Variants in KIFC3 observed in about 807,000 individuals in gnomAD.
KIFC3 encodes the protein kinesin-like protein KIFC3.
KIFC3 carries 60 observed loss-of-function variants against 101.8 expected under a neutral mutation model. The ratio of observed to expected loss-of-function variants is 0.59; its 90% CI spans 0.48 to 0.73. The LOEUF is 0.73. KIFC3 is among the 30% of genes least tolerant of loss of function. The pLI is 0.00. For synonymous variants in KIFC3, 476 were observed against 482.7 expected (o/e 0.99, Z 0.18); for missense variants, 966 against 1,137.1 (o/e 0.85, Z 2.16).
At position 57,802,320 on chromosome 16, in the gene KIFC3, C is replaced by T. The variant is rs2054786452; in HGVS notation, c.-40+50G>A. 9.8e-6 allele frequency: 9 copies of T among 916,730 alleles called. No homozygotes were observed. Among genetic ancestry groups the T allele is most frequent in the Non-Finnish European group, 1.2e-5 (9 of 767,934 alleles). 56.8% of individuals were successfully genotyped at this position (916,730 alleles called of 1,614,324 possible). ...GCGGCGCCCCAAACGGCGGGCCGGG[C>T]AGAGCCCAGCGCCCCGCTCGCACCC... On this transcript the variant is annotated intron_variant, in intron 1 of 19. Coordinates refer to ENST00000445690, the MANE Select transcript of KIFC3 (RefSeq NM_001130100.2). The surrounding 1 kb of genome is among the most constrained non-coding windows in gnomAD (Gnocchi z 5.0).
At chr16:57,805,035 T>C (rs1002254876), upstream of KIFC3, among the ~76,000 whole-genome samples, 37 of 152,070 alleles carry the variant, frequency 2.4e-4, 1 homozygote, top group Non-Finnish European at 5.9e-5. Context: ...TTCACCATGT[T>C]GGACAGGCTG....
intron 1 of KIFC3, among the ~76,000 whole-genome samples, chr16:57,854,301 C>T (rs72780310): frequency 0.058 from 8,749 of 152,130 alleles, 301 homozygotes; most frequent in Non-Finnish European, 0.065. Context: ...AAAGAAAACC[C>T]ACTTTATATA....
At chr16:57,837,275 C>A (rs1445348316) in intron 1 of KIFC3, among the ~76,000 whole-genome samples, 1 of 151,974 alleles carries the variant, frequency 6.6e-6, no homozygotes, top group Non-Finnish European at 1.5e-5. Context: ...TGAGACCAGT[C>A]TGGGCAACAT....
intron 3 of KIFC3, among the ~76,000 whole-genome samples, chr16:57,790,631 T>C (rs1261765503): frequency 1.3e-5 from 2 of 152,058 alleles, no homozygotes; most frequent in African/African-American, 4.8e-5. Context: ...TTCTCCTCAT[T>C]CTTAAAATAA....
At chr16:57,781,269 C>T (rs55986850) in intron 3 of KIFC3, among the ~76,000 whole-genome samples, 16,435 of 152,178 alleles carry the variant, frequency 0.11, 975 homozygotes, top group Middle Eastern at 0.19. Flanking sequence ...GAGCTGTGAT[C>T]ACGCCCCTGC....
Position 57,769,772 on chromosome 16 carries a change from G to A in KIFC3, c.1087+36C>T, listed in dbSNP as rs562816782. On this transcript the variant is annotated intron_variant, in intron 8 of 19. Transcript: ENST00000445690. This position sits in a 1 kb window ranked among gnomAD's most constrained non-coding sequence, Gnocchi z 4.3. ...GAGGCGGGAGGGGATGAGGGGCCGC[G>A]GCGTGGGGCAGACAGGGCCCAGCTG... The A allele has an allele frequency of 2.2e-5, 36 of 1,612,604 alleles. No homozygotes were observed. The Middle Eastern group carries it at 5.0e-4, about 22-fold the overall frequency.
intron 1 of KIFC3, among the ~76,000 whole-genome samples, chr16:57,821,680 G>T (rs2055352980): frequency 6.6e-6 from 1 of 152,166 alleles, no homozygotes; most frequent in Admixed American, 6.6e-5. Context: ...GGGGAGGGGT[G>T]CTATTATAGG....
At chr16:57,859,889 G>GC (rs2056256688) in intron 1 of KIFC3, among the ~76,000 whole-genome samples, 2 of 151,594 alleles carry the variant, frequency 1.3e-5, no homozygotes, top group South Asian at 4.2e-4. Context: ...AGGTGTGGTG[G>GC]CGCATGCCTG....
intron 1 of KIFC3, among the ~76,000 whole-genome samples, chr16:57,836,620 G>A (rs1156875740): frequency 6.6e-6 from 1 of 152,168 alleles, no homozygotes; most frequent in East Asian, 1.9e-4. Context: ...AAACAAAAAT[G>A]TACCCTCTTG....
chr16:57,792,485 T>G (rs1483204504), intron 3 of KIFC3, among the ~76,000 whole-genome samples: 4 of 152,236 alleles, frequency 2.6e-5, no homozygotes, highest in Non-Finnish European at 5.9e-5. Context: ...TATCACTGCA[T>G]GAACACAGCA....
Position 57,798,088 on chromosome 16 carries a change from C to CGGG in KIFC3, c.153_155dup (p.Pro52dup). Reference sequence around the variant, plus strand: ...CGGACTCACCAGTTCTCAACCTCCCCGGGCCGGTGTGTGGGAAAGGGCGGG... The same window carrying CGGG: ...CGGACTCACCAGTTCTCAACCTCCCCGGGGGGCCGGTGTGTGGGAAAGGGCGGG... On this transcript the variant is annotated inframe_insertion, in exon 2 of 20. Transcript: ENST00000445690. 3 of 1,592,320 alleles carry CGGG rather than the reference C, an allele frequency of 1.9e-6. No homozygotes were observed. Among genetic ancestry groups the CGGG allele is most frequent in the Non-Finnish European group, 2.6e-6 (3 of 1,169,858 alleles).
upstream of KIFC3, among the ~76,000 whole-genome samples, chr16:57,807,087 G>A (rs1310845491): frequency 6.6e-6 from 1 of 151,914 alleles, no homozygotes; most frequent in Non-Finnish European, 1.5e-5. Context: ...TGTGCTGGTG[G>A]GCGCCTGTAA....
chr16:57,861,106 T>C (rs73560895), intron 1 of KIFC3, among the ~76,000 whole-genome samples: 2,339 of 152,342 alleles, frequency 0.015, 57 homozygotes, highest in African/African-American at 0.052. Context: ...TGTGACGGGC[T>C]ATTAGTATTG....
intron 2 of KIFC3, 134 bp from the exon 3 acceptor site, chr16:57,795,275 G>T: frequency 9.2e-7 from 1 of 1,092,766 alleles, no homozygotes; most frequent in Non-Finnish European, 1.3e-6. Flanking sequence ...GGCCAGGAGG[G>T]GCTCACACAC....
chr16:57,791,261 A>G (rs1294420881), intron 3 of KIFC3, among the ~76,000 whole-genome samples: 1 of 152,084 alleles, frequency 6.6e-6, no homozygotes, highest in Non-Finnish European at 1.5e-5. Flanking sequence ...CTCCAACTTA[A>G]TTTTGACCCC....
At chr16:57,803,623 A>G (rs1482971746), upstream of KIFC3, among the ~76,000 whole-genome samples, 1 of 152,250 alleles carries the variant, frequency 6.6e-6, no homozygotes, top group African/African-American at 2.4e-5. Flanking sequence ...CGACGGAGCC[A>G]AGGGCCTGGG....
At position 57,771,407 on chromosome 16, in the gene KIFC3, G is replaced by C. The variant is rs1158410495; in HGVS notation, c.556C>G (p.Gln186Glu). ...CTTTCCGCCATCTCCAGCTGCAGCT[G>C]GGACAGCTTGTCACGGAGCTGGGCG... Reference protein sequence around the residue: ...ESAQLRDKLSQLQLEMAESKG... With the variant: ...ESAQLRDKLSELQLEMAESKG... The change falls in exon 6 of 20, where the codon CAG (glutamine) becomes GAG (glutamate). Residue 186 changes from glutamine to glutamate, a missense_variant. Physicochemically the swap from Gln to Glu is conservative, Grantham distance 29. This residue lies in a region of KIFC3 where 689 missense variants were observed against 884.6 expected (regional missense o/e 0.78). Transcript: ENST00000445690. 1 of 1,613,522 alleles carries C rather than the reference G, an allele frequency of 6.2e-7. No homozygotes were observed. Among genetic ancestry groups the C allele is most frequent in the African/African-American group, 1.3e-5 (1 of 74,956 alleles).
chr16:57,860,067 T>TC (rs2056267838), intron 1 of KIFC3, among the ~76,000 whole-genome samples: 2 of 144,684 alleles, frequency 1.4e-5, no homozygotes, highest in African/African-American at 2.5e-5. Context: ...TAAAATAAAA[T>TC]AAAATAAAAT....
At chr16:57,804,573 G>C (rs74695790), upstream of KIFC3, among the ~76,000 whole-genome samples, 1 of 152,192 alleles carries the variant, frequency 6.6e-6, no homozygotes, top group Admixed American at 6.5e-5. Flanking sequence ...GATTTGAAAC[G>C]TAAAAACTAC....
Sources: allele counts gnomAD v4.1 joint callset (sites outside exome capture counted in the v4.1 genomes callset), GRCh38; gene constraint gnomAD v4.1.1; regional missense constraint gnomAD v4.1.1; non-coding constraint Gnocchi (gnomAD v3.1); transcripts MANE v1.5; gene names NCBI Gene and HGNC (gene_info 2026-07-23, HGNC 2026-07-21).